HEATR5B: variants seen among roughly 807,000 people sequenced by gnomAD.
The protein encoded by HEATR5B is HEAT repeat containing 5B, also known as HEAT repeat-containing protein 5B.
A neutral mutation model predicts 224.1 loss-of-function variants in HEATR5B; 156 were observed. The ratio of observed to expected loss-of-function variants is 0.70; its 90% CI spans 0.61 to 0.80. The LOEUF (loss-of-function observed/expected upper bound fraction) is 0.80. HEATR5B is among the 30% of genes least tolerant of loss of function. HEATR5B has a pLI of 0.00. For synonymous variants in HEATR5B, 1,027 were observed against 893.0 expected, an observed-to-expected ratio of 1.15 and a Z score of -2.68; for missense variants, 2,323 against 2,535.5, an observed-to-expected ratio of 0.92 and a Z score of 1.80.
intron 24 of HEATR5B, among the ~76,000 whole-genome samples, chr2:37,025,425 G>A (rs1168059498): frequency 6.6e-6 from 1 of 151,500 alleles, no homozygotes; most frequent in Non-Finnish European, 1.5e-5. Context: ...TCAGAGAAAT[G>A]GCTAATCTCT....
In HEATR5B at chr2:37,007,224, C is replaced by T. The variant is rs774561990; in HGVS notation, c.4603G>A (p.Val1535Met). 1.2e-6 allele frequency: 2 copies of T among 1,614,082 alleles called. No homozygotes were observed. Among genetic ancestry groups the T allele is most frequent in the Non-Finnish European group, 1.7e-6 (2 of 1,180,024 alleles). Residue 1535 changes from valine (V) to methionine (M), a missense_variant, in exon 29 of 36, where the codon GTG becomes ATG. Val to Met is a conservative substitution (Grantham distance 21). Transcript: ENST00000233099. ...CCTGTGCTATTTAACCAAAGTGCCA[C>T]CGCATGGAGAATTGGGGCCCAGGAA... ...RNSWAPILHA[V>M]ALWLNSTGFT...
Position 37,072,132 on chromosome 2 carries a change from T to C in HEATR5B, c.747A>G (p.Ala249=). 6.2e-7 allele frequency: 1 copy of C among 1,613,688 alleles called. No homozygotes were observed. Among genetic ancestry groups the C allele is most frequent in the South Asian group, 1.1e-5 (1 of 91,022 alleles). ...SKLLGTVMAT[A]LMPKQATVMR... is the part of the protein sequence containing the mutation. ...TACCTGTTGCCTGTTTTGGCATTAA[T>C]GCTGTGGCCATGACTGTTCCTAAAA... Residue 249 remains alanine, a synonymous_variant, in exon 6 of 36, where the codon GCA becomes GCG. Coordinates refer to ENST00000233099, the MANE Select transcript of HEATR5B (RefSeq NM_019024.3).
chr2:37,050,984 T>G lies in HEATR5B; in HGVS notation c.2506-1141A>C, dbSNP rs975376412. Among the ~76,000 whole-genome samples, 5 of 152,222 alleles carry G rather than the reference T, an allele frequency of 3.3e-5. No individual in the cohort carries two copies. The East Asian group carries it at 7.7e-4, about 24-fold the overall frequency. The stretch of plus-strand genomic sequence containing the variant: ...TGAATCCGGGAGGCAGAGATGAGAC[T>G]GCAGTGAGCCAACATCACACCACTG... On this transcript the variant is annotated intron_variant, in intron 17 of 35. Coordinates refer to ENST00000233099, the MANE Select transcript of HEATR5B (RefSeq NM_019024.3).
At chr2:37,026,913 C>T (rs535705615) in intron 24 of HEATR5B, among the ~76,000 whole-genome samples, 177 of 152,298 alleles carry the variant, frequency 1.2e-3, no homozygotes, top group Admixed American at 2.9e-3. Context: ...ATTCTCCTGA[C>T]TCAGCCTCCT....
chr2:37,081,248 T>C (rs931547992), intron 2 of HEATR5B, among the ~76,000 whole-genome samples: 14 of 152,152 alleles, frequency 9.2e-5, no homozygotes, highest in Non-Finnish European at 1.6e-4. Context: ...TACTTCAAGT[T>C]CTAGGGTACA....
chr2:37,037,532 T>A (rs2372914), intron 21 of HEATR5B, among the ~76,000 whole-genome samples: 1 of 151,814 alleles, frequency 6.6e-6, no homozygotes, highest in African/African-American at 2.4e-5. Flanking sequence ...TAAAATGAAT[T>A]GTCATAAAAT....
At position 37,005,637 on chromosome 2, in the gene HEATR5B, C is replaced by T; in HGVS notation, c.4900G>A (p.Asp1634Asn). ...ATCATAGCAATACACTGTACCTGATCTTCTGCAATATGGACTCGAGCATAA... is the reference window on the plus strand; with the variant it reads ...ATCATAGCAATACACTGTACCTGATTTTCTGCAATATGGACTCGAGCATAA... ...SPYARVHIAEDQLIGVELLSV... is the reference protein window; with the variant it reads ...SPYARVHIAENQLIGVELLSV... The change falls in exon 30 of 36, where the codon GAT becomes AAT. Residue 1634 changes from aspartate to asparagine, a missense_variant. Around this residue, in one of 12 missense-constraint regions of HEATR5B, gnomAD observed 844 missense variants for 812.9 expected, o/e 1.04. Coordinates refer to ENST00000233099, the MANE Select transcript of HEATR5B (RefSeq NM_019024.3). 1 of 1,613,546 alleles carries T rather than the reference C, an allele frequency of 6.2e-7. No individual in the cohort carries two copies. The highest frequency in any genetic ancestry group is 1.7e-5 in the Admixed American group (1 of 59,994).
chr2:37,064,481 C>T (rs1264030522), intron 10 of HEATR5B, among the ~76,000 whole-genome samples: 6 of 151,572 alleles, frequency 4.0e-5, no homozygotes, highest in Admixed American at 1.3e-4. Flanking sequence ...ACTATGTTGC[C>T]TAGGCTGTTT....
At chr2:37,064,000 G>C (rs1294430066) in intron 10 of HEATR5B, among the ~76,000 whole-genome samples, 6 of 151,998 alleles carry the variant, frequency 3.9e-5, no homozygotes, top group African/African-American at 1.4e-4. Context: ...TTTTAGTAGA[G>C]ACAAGGTTTC....
intron 33 of HEATR5B, among the ~76,000 whole-genome samples, chr2:36,995,934 G>T (rs1024041303): frequency 2.0e-5 from 3 of 152,146 alleles, no homozygotes; most frequent in Non-Finnish European, 2.9e-5. Context: ...TGCCCAGGCT[G>T]GAGTGCAGTG....
chr2:37,064,750 G>C lies in HEATR5B; in HGVS notation c.1574C>G (p.Ala525Gly). ...GGATCTCCGTCATACCTTTCCTTTG[G>C]CATGAGGAATGCCCAAAGGACACTG... Reference protein sequence around the residue: ...VHQCPLGIPHAKGKMVVSIAE... With the variant: ...VHQCPLGIPHGKGKMVVSIAE... Residue 525 changes from alanine (A) to glycine (G), a missense_variant, in exon 10 of 36, where the codon GCC (alanine) becomes GGC (glycine). Coordinates refer to ENST00000233099, the MANE Select transcript of HEATR5B (RefSeq NM_019024.3). The C allele has an allele frequency of 1.2e-6, 2 of 1,613,874 alleles. No homozygotes were observed. Among genetic ancestry groups the C allele is most frequent in the South Asian group, 2.2e-5 (2 of 91,062 alleles).
At chr2:37,017,572 G>A (rs1393911099) in intron 26 of HEATR5B, among the ~76,000 whole-genome samples, 1 of 151,134 alleles carries the variant, frequency 6.6e-6, no homozygotes, top group African/African-American at 2.4e-5. Flanking sequence ...TGTAATCCCA[G>A]CTACTCAGGA....
In HEATR5B at chr2:37,045,639, G is replaced by C. The variant is rs1057177464; in HGVS notation, c.2696+4014C>G. Among the ~76,000 whole-genome samples the C allele has an allele frequency of 3.9e-5, 6 of 152,280 alleles. No homozygotes were observed. In the South Asian group the frequency reaches 1.2e-3, roughly 32 times the overall value. On this transcript the variant is annotated intron_variant, in intron 18 of 35. Transcript: ENST00000233099. The stretch of plus-strand genomic sequence containing the variant: ...CTGCACATATCAGTATTCAGCCAAA[G>C]ACTTTAGATGATCCTTCTGTTCATA...
chr2:36,997,861 G>A (rs879717168), intron 33 of HEATR5B, among the ~76,000 whole-genome samples: 7 of 151,944 alleles, frequency 4.6e-5, no homozygotes, highest in South Asian at 2.1e-4. Flanking sequence ...CCACCACGCC[G>A]ACCAGTCCTC....
intron 18 of HEATR5B, among the ~76,000 whole-genome samples, chr2:37,042,283 T>C (rs1352981555): frequency 6.6e-6 from 1 of 152,228 alleles, no homozygotes; most frequent in Non-Finnish European, 1.5e-5. Context: ...AAAAAGTTTA[T>C]GGAAACTACA....
chr2:37,019,484 T>A (rs1226258113), intron 26 of HEATR5B, among the ~76,000 whole-genome samples: 4 of 150,684 alleles, frequency 2.7e-5, no homozygotes, highest in African/African-American at 4.9e-5. Context: ...TGAGACAGGG[T>A]CTCGCTCCGT....
At chr2:36,993,872 T>C (rs963077881) in intron 33 of HEATR5B, among the ~76,000 whole-genome samples, 1 of 152,120 alleles carries the variant, frequency 6.6e-6, no homozygotes, top group African/African-American at 2.4e-5. Context: ...ACATTCTACA[T>C]AATAGATGGC....
rs1357745001 is a variant in HEATR5B, at chr2:37,001,624, A to T, written c.5317+682T>A. On this transcript the variant is annotated intron_variant, in intron 32 of 35. Transcript: ENST00000233099. ...AACATTAACAACAGCTGATGAGCTT[A>T]AAAAAAAAAAGTCTCCTCTGACATT... Among the ~76,000 whole-genome samples, 8 of 144,922 alleles carry T rather than the reference A, an allele frequency of 5.5e-5. No homozygotes were observed. The South Asian group carries it at 6.6e-4, about 12-fold the overall frequency.
intron 33 of HEATR5B, among the ~76,000 whole-genome samples, chr2:36,995,092 T>TTTG (rs1666605451): frequency 1.4e-5 from 2 of 141,808 alleles, no homozygotes; most frequent in Admixed American, 6.9e-5. Flanking sequence ...TCCTTGTTTT[T>TTTG]TTTTTTTTTT....
Sources: gnomAD v4.1 joint callset for allele counts (sites outside exome capture counted in the v4.1 genomes callset) on GRCh38, gnomAD v4.1.1 for gene constraint, gnomAD v4.1.1 regional missense constraint, MANE v1.5 for transcripts, NCBI Gene and HGNC (gene_info 2026-07-23, HGNC 2026-07-21) for gene names.